GALNTL6: variants seen among roughly 807,000 people sequenced by gnomAD.
GALNTL6 encodes polypeptide N-acetylgalactosaminyltransferase-like 6.
A neutral mutation model predicts 73.7 loss-of-function variants in GALNTL6; 46 were observed. That is an observed-to-expected ratio of 0.62 (90% CI 0.49 to 0.80). GALNTL6 has a LOEUF of 0.80. GALNTL6 is among the 30% of genes least tolerant of loss of function. The pLI is 0.00. For missense variants in GALNTL6, 604 were observed against 755.0 expected (o/e 0.80, Z 2.34); for synonymous variants, 259 against 263.7 (o/e 0.98, Z 0.17).
intron 2 of GALNTL6, among the ~76,000 whole-genome samples, chr4:171,988,862 T>C (rs2877688): frequency 0.57 from 87,176 of 151,796 alleles, 26,618 homozygotes; most frequent in Middle Eastern, 0.71. Flanking sequence ...TAGAGGTGTC[T>C]TATACTTGTG....
intron 5 of GALNTL6, among the ~76,000 whole-genome samples, chr4:172,582,930 T>C (rs140383231): frequency 2.0e-4 from 30 of 152,360 alleles, no homozygotes; most frequent in African/African-American, 6.7e-4. Context: ...ATTATGTCTA[T>C]CCCTTTCTCT....
intron 5 of GALNTL6, among the ~76,000 whole-genome samples, chr4:172,400,657 G>T (rs1423983624): frequency 2.0e-5 from 3 of 152,074 alleles, no homozygotes; most frequent in Non-Finnish European, 4.4e-5. Flanking sequence ...AGCAGGAGAA[G>T]TGAAGTCATG....
At chr4:171,876,972 A>C (rs1440869203) in intron 2 of GALNTL6, among the ~76,000 whole-genome samples, 1 of 151,932 alleles carries the variant, frequency 6.6e-6, no homozygotes, top group Non-Finnish European at 1.5e-5. Flanking sequence ...AGGCCTTTTG[A>C]TTATTTTTTC....
chr4:172,881,689 A>C (rs1745459418), intron 7 of GALNTL6, among the ~76,000 whole-genome samples: 1 of 152,202 alleles, frequency 6.6e-6, no homozygotes, highest in Non-Finnish European at 1.5e-5. Context: ...TTATTTATAA[A>C]TATCCTTTGT....
At chr4:171,980,185 A>G (rs1005369031) in intron 2 of GALNTL6, among the ~76,000 whole-genome samples, 4 of 152,192 alleles carry the variant, frequency 2.6e-5, no homozygotes, top group African/African-American at 4.8e-5. Context: ...AAGAACCCAA[A>G]GAATTATTAG....
intron 5 of GALNTL6, among the ~76,000 whole-genome samples, chr4:172,786,788 A>T (rs578020553): frequency 2.0e-5 from 3 of 152,180 alleles, no homozygotes; most frequent in Non-Finnish European, 4.4e-5. Flanking sequence ...AACTAAAAAG[A>T]GTATAAATGA....
chr4:172,092,666 T>C (rs1047880440), intron 2 of GALNTL6, among the ~76,000 whole-genome samples: 1 of 152,078 alleles, frequency 6.6e-6, no homozygotes, highest in Non-Finnish European at 1.5e-5. Flanking sequence ...TACTCTTTGA[T>C]AGAGTAAATT....
At chr4:172,635,629 G>A (rs542609001) in intron 5 of GALNTL6, among the ~76,000 whole-genome samples, 33 of 151,978 alleles carry the variant, frequency 2.2e-4, no homozygotes, top group African/African-American at 7.7e-4. Flanking sequence ...ATTTTTCTGC[G>A]AACTTTCTTC....
chr4:172,693,663 T>G (rs770716299), intron 5 of GALNTL6, among the ~76,000 whole-genome samples: 14 of 150,638 alleles, frequency 9.3e-5, no homozygotes, highest in Admixed American at 2.7e-4. Context: ...ATGGGGGAGG[T>G]TTTTCATTTC....
intron 2 of GALNTL6, among the ~76,000 whole-genome samples, chr4:172,007,636 T>A (rs1458344052): frequency 1.3e-5 from 2 of 152,148 alleles, no homozygotes; most frequent in Admixed American, 6.6e-5. Flanking sequence ...AGTAAGATCA[T>A]CTTTTTAGTT....
At chr4:171,936,130 A>T (rs1044500854) in intron 2 of GALNTL6, among the ~76,000 whole-genome samples, 1 of 152,190 alleles carries the variant, frequency 6.6e-6, no homozygotes, top group Non-Finnish European at 1.5e-5. Flanking sequence ...TTTTTAATGA[A>T]CAAAGTAACG....
chr4:172,732,679 T>G (rs1384826392), intron 5 of GALNTL6, among the ~76,000 whole-genome samples: 1 of 152,204 alleles, frequency 6.6e-6, no homozygotes, highest in Non-Finnish European at 1.5e-5. Context: ...TGCTTTTTAT[T>G]TGTAGTGAAT....
chr4:171,922,960 A>T (rs1356362466), intron 2 of GALNTL6, among the ~76,000 whole-genome samples: 1 of 152,130 alleles, frequency 6.6e-6, no homozygotes, highest in East Asian at 1.9e-4. Context: ...TACTTACTCC[A>T]AAACCCCAAA....
intron 2 of GALNTL6, among the ~76,000 whole-genome samples, chr4:172,131,996 T>C (rs533522733): frequency 5.0e-4 from 76 of 152,196 alleles, no homozygotes; most frequent in African/African-American, 1.7e-3. Context: ...TTCAGAGTAT[T>C]TATTGAGCAC....
At chr4:172,421,397 C>T (rs1731048775) in intron 5 of GALNTL6, among the ~76,000 whole-genome samples, 1 of 151,796 alleles carries the variant, frequency 6.6e-6, no homozygotes, top group Admixed American at 6.6e-5. Flanking sequence ...CCAGAATATG[C>T]TGTGTGCTAT....
chr4:172,028,645 G>T (rs1162620579), intron 2 of GALNTL6, among the ~76,000 whole-genome samples: 1 of 151,966 alleles, frequency 6.6e-6, no homozygotes, highest in African/African-American at 2.4e-5. Flanking sequence ...GTCATTGGTT[G>T]ATTTTCACAA....
rs1554000215 is a variant in GALNTL6, at chr4:172,178,667, T to TA, written c.139-50988dup. Among the ~76,000 whole-genome samples, 13 of 132,282 alleles carry TA rather than the reference T, an allele frequency of 9.8e-5. No homozygotes were observed. In the East Asian group the frequency reaches 2.5e-3, roughly 25 times the overall value. 86.8% of individuals were successfully genotyped at this position (132,282 alleles called of 152,430 possible). ...GACACATTTTCTTTTTTTTTTTTTT[T>TA]ATTATACTTTAAGTTTTAGGGTACA... On this transcript the variant is annotated intron_variant, in intron 2 of 12. Transcript: ENST00000506823.
chr4:172,736,771 T>TA (rs1170946038), intron 5 of GALNTL6, among the ~76,000 whole-genome samples: 1 of 152,222 alleles, frequency 6.6e-6, no homozygotes, highest in African/African-American at 2.4e-5. Flanking sequence ...CTTCACAATT[T>TA]ATGTTCTTCT....
chr4:172,598,473 C>T (rs78836004), intron 5 of GALNTL6, among the ~76,000 whole-genome samples: 2,395 of 152,156 alleles, frequency 0.016, 53 homozygotes, highest in African/African-American at 0.053. Context: ...TGATTACAAC[C>T]ATAAATATCC....
Sources: allele counts gnomAD v4.1 joint callset (sites outside exome capture counted in the v4.1 genomes callset), GRCh38; gene constraint gnomAD v4.1.1; transcripts MANE v1.5; gene names NCBI Gene and HGNC (gene_info 2026-07-23, HGNC 2026-07-21).